The following ASB4 variants were observed in gnomAD, a reference collection of about 807,000 sequenced individuals.
The protein encoded by ASB4 is ankyrin repeat and SOCS box containing 4, also known as ankyrin repeat and SOCS box protein 4.
In ASB4, 35 loss-of-function variants were observed where a neutral mutation model predicts 38.6. The ratio of observed to expected loss-of-function variants is 0.91; its 90% CI spans 0.69 to 1.20. ASB4 has a LOEUF of 1.20. ASB4 is among the 50% of genes most tolerant of loss of function. The pLI is 0.00. For missense variants in ASB4, 557 were observed against 527.2 expected, an observed-to-expected ratio of 1.06 and a Z score of -0.55; for synonymous variants, 195 against 201.3, an observed-to-expected ratio of 0.97 and a Z score of 0.26.
At chr7:95,476,252 G>T (rs888453585), upstream of ASB4, among the ~76,000 whole-genome samples, 2 of 152,230 alleles carry the variant, frequency 1.3e-5, no homozygotes, top group African/African-American at 4.8e-5. Flanking sequence ...TGTTCAAATT[G>T]TGGTATGCAG....
chr7:95,479,104 A>G (rs932998718), intron 1 of ASB4, among the ~76,000 whole-genome samples: 3 of 152,198 alleles, frequency 2.0e-5, no homozygotes, highest in Non-Finnish European at 4.4e-5. Flanking sequence ...AAAAAGCCCT[A>G]AAGGCTGAGG....
chr7:95,506,406 C>T (rs959589251), intron 2 of ASB4, among the ~76,000 whole-genome samples: 1 of 152,128 alleles, frequency 6.6e-6, no homozygotes, highest in African/African-American at 2.4e-5. Flanking sequence ...TTCTGGACCA[C>T]AAGTCTTCCT....
At chr7:95,496,201 T>A in intron 2 of ASB4, 144 bp downstream of exon 2, 1 of 649,096 alleles carries the variant, frequency 1.5e-6, no homozygotes, top group Non-Finnish European at 2.5e-6. Flanking sequence ...AAATACATAG[T>A]TCTGTTGATT....
chr7:95,501,836 G>C (rs917410535), intron 2 of ASB4, among the ~76,000 whole-genome samples: 1 of 152,112 alleles, frequency 6.6e-6, no homozygotes, highest in African/African-American at 2.4e-5. Context: ...ATGCTTGTAG[G>C]CTGACACTAA....
intron 2 of ASB4, among the ~76,000 whole-genome samples, chr7:95,517,668 C>T (rs938602264): frequency 1.3e-5 from 2 of 151,402 alleles, no homozygotes; most frequent in African/African-American, 2.4e-5. Flanking sequence ...GGTGTGGTAA[C>T]TGGAAGGTTG....
intron 2 of ASB4, among the ~76,000 whole-genome samples, chr7:95,523,982 C>T (rs367947916): frequency 2.0e-5 from 3 of 152,202 alleles, no homozygotes; most frequent in South Asian, 4.1e-4. Context: ...ATTAAATAGA[C>T]GGAAAATACC....
At chr7:95,470,750 T>C in the ASB4 span, among the ~76,000 whole-genome samples, 1 of 152,148 alleles carries the variant, frequency 6.6e-6, no homozygotes, top group South Asian at 2.1e-4. Context: ...CTGGCTGGTT[T>C]CATAATAGGA....
intron 2 of ASB4, among the ~76,000 whole-genome samples, chr7:95,508,968 C>T (rs1016235645): frequency 1.3e-5 from 2 of 152,146 alleles, no homozygotes; most frequent in Non-Finnish European, 2.9e-5. Flanking sequence ...CAGATAACGA[C>T]TCAGTCCAGG....
rs1250218941 is a variant in ASB4, at chr7:95,515,359, CTTTCTTTTCTT to C, written c.488-12452_488-12442del. Among the ~76,000 whole-genome samples the C allele has an allele frequency of 3.2e-4, 33 of 101,544 alleles. 2 individuals carry two copies. Among genetic ancestry groups the C allele is most frequent in the African/African-American group, 1.1e-3 (32 of 27,936 alleles). 66.6% of individuals were successfully genotyped at this position (101,544 alleles called of 152,430 possible). The stretch of plus-strand genomic sequence containing the variant: ...TTTCTTTCTTTCTTTCTTTTTCTTT[CTTTCTTTTCTT>C]TCTTTCTTTTCTTTTCTTTTTTTTC... On this transcript the variant is annotated intron_variant, in intron 2 of 4. Coordinates refer to ENST00000325885, the MANE Select transcript of ASB4 (RefSeq NM_016116.3).
chr7:95,474,470 C>T (rs1012041137), upstream of ASB4, among the ~76,000 whole-genome samples: 3 of 152,108 alleles, frequency 2.0e-5, no homozygotes, highest in African/African-American at 7.2e-5. Context: ...GACAACTGGA[C>T]ACCTGGTTAT....
At chr7:95,536,347 C>A in intron 3 of ASB4, 90 bp from the exon 4 acceptor site, 1 of 780,010 alleles carries the variant, frequency 1.3e-6, no homozygotes, top group Non-Finnish European at 2.1e-6. Context: ...ACCATGCCCA[C>A]TGGTCTGTGA....
chr7:95,515,332 CCTTTCTTT>C (rs1412933677), intron 2 of ASB4, among the ~76,000 whole-genome samples: 30 of 119,644 alleles, frequency 2.5e-4, no homozygotes, highest in African/African-American at 7.5e-4. Context: ...TTCCTTCCTT[CCTTTCTTT>C]CTTTCTTTCT....
At chr7:95,475,503 C>A (rs942749194), upstream of ASB4, among the ~76,000 whole-genome samples, 1 of 152,104 alleles carries the variant, frequency 6.6e-6, no homozygotes, top group African/African-American at 2.4e-5. Context: ...CCTGCCTCAG[C>A]CTCCCGAGTA....
chr7:95,502,528 A>T (rs1004688282), intron 2 of ASB4, among the ~76,000 whole-genome samples: 1 of 152,152 alleles, frequency 6.6e-6, no homozygotes, highest in South Asian at 2.1e-4. Context: ...TAGGGCCTCA[A>T]ATTCAGACTT....
intron 2 of ASB4, among the ~76,000 whole-genome samples, chr7:95,527,285 T>A (rs1188512960): frequency 6.6e-6 from 1 of 152,140 alleles, no homozygotes; most frequent in East Asian, 1.9e-4. Flanking sequence ...ATACTGCAAT[T>A]TCAGTCAAAG....
At chr7:95,515,364 T>TTTTC (rs199595000) in intron 2 of ASB4, among the ~76,000 whole-genome samples, 8 of 127,922 alleles carry the variant, frequency 6.3e-5, no homozygotes, top group African/African-American at 1.9e-4. Flanking sequence ...TCTTTCTTTC[T>TTTTC]TTTCTTTCTT....
Position 95,528,319 on chromosome 7 carries a change from G to C in ASB4, c.978+16G>C. The C allele has an allele frequency of 1.2e-6, 2 of 1,613,952 alleles. No homozygotes were observed. Among genetic ancestry groups the C allele is most frequent in the Non-Finnish European group, 1.7e-6 (2 of 1,179,978 alleles). ...GTTCCATAAGGTGAGGCTCTGCCCA[G>C]TGGTCAGCAGGTTGAGGAAGATTCA... On this transcript the variant is annotated intron_variant, in intron 3 of 4. Coordinates refer to ENST00000325885, the MANE Select transcript of ASB4 (RefSeq NM_016116.3).
upstream of ASB4, among the ~76,000 whole-genome samples, chr7:95,476,950 T>G (rs1789983338): frequency 6.6e-6 from 1 of 152,270 alleles, no homozygotes; most frequent in Non-Finnish European, 1.5e-5. Flanking sequence ...GAAATTTATT[T>G]TATGAAATCA....
intron 1 of ASB4, among the ~76,000 whole-genome samples, chr7:95,480,864 C>A (rs1225695939): frequency 6.6e-6 from 1 of 152,054 alleles, no homozygotes; most frequent in East Asian, 1.9e-4. Context: ...GTGTCTGGCT[C>A]ATAGTAAGTT....
Sources: gnomAD v4.1 joint callset for allele counts (sites outside exome capture counted in the v4.1 genomes callset) on GRCh38, gnomAD v4.1.1 for gene constraint, MANE v1.5 for transcripts, NCBI Gene and HGNC (gene_info 2026-07-23, HGNC 2026-07-21) for gene names.